SCARA3: variants seen among roughly 807,000 people sequenced by gnomAD.
SCARA3 encodes the protein scavenger receptor class A member 3.
Under a neutral mutation model 47.0 loss-of-function variants are expected in SCARA3, and 39 were observed. That is an observed-to-expected ratio of 0.83 (90% confidence interval 0.64 to 1.08). SCARA3 has a LOEUF of 1.08. Ranked by LOEUF, SCARA3 falls within the 50% of genes least tolerant of loss-of-function variation. The pLI, the probability that SCARA3 is intolerant of heterozygous loss-of-function variation, is 0.00. For missense variants in SCARA3, 724 were observed against 792.3 expected (o/e 0.91, Z 1.04); for synonymous variants, 356 against 334.1 (o/e 1.07, Z -0.71).
chr8:27,706,540 G>C, the SCARA3 span, among the ~76,000 whole-genome samples: 1 of 152,298 alleles, frequency 6.6e-6, no homozygotes, highest in East Asian at 1.9e-4. Flanking sequence ...TCTGTGGCTA[G>C]AGGGTGCAGA....
chr8:27,656,951 C>T (rs1801757184), intron 4 of SCARA3, 71 bp downstream of exon 4: 2 of 958,292 alleles, frequency 2.1e-6, no homozygotes, highest in South Asian at 1.3e-5. Context: ...CCCCACGCTA[C>T]AGTGCCCCAG....
rs1585300408 is a variant in SCARA3, at chr8:27,671,763, T to C, written c.*412T>C. The C allele has an allele frequency of 4.0e-6, 4 of 1,001,624 alleles. No homozygotes were observed. Among genetic ancestry groups the C allele is most frequent in the Non-Finnish European group, 4.8e-6 (4 of 840,878 alleles). The allele number at this position is 1,001,624 out of a possible 1,614,324, so 62.0% of individuals were successfully genotyped here. ...ACACATATATGCACAGGCACACACA[T>C]GTACGCACACACACATGCACTGCAC... On this transcript the variant is annotated 3_prime_UTR_variant, in exon 6 of 6. Coordinates refer to ENST00000301904, the MANE Select transcript of SCARA3 (RefSeq NM_016240.3).
chr8:27,689,516 C>G, the SCARA3 span, among the ~76,000 whole-genome samples: 1 of 152,204 alleles, frequency 6.6e-6, no homozygotes, highest in African/African-American at 2.4e-5. Flanking sequence ...CCCCACAGCA[C>G]AGAGAGCAGA....
In SCARA3 at chr8:27,672,307, T is replaced by C; in HGVS notation, c.*956T>C. ...GGAAGGAATCCAAGCAGGAGTTTCA[T>C]CTGCATGGGGGCACTCTGCAGGCCC... is the stretch of plus-strand genomic sequence containing the variant. On this transcript the variant is annotated 3_prime_UTR_variant, in exon 6 of 6. Coordinates refer to ENST00000301904, the MANE Select transcript of SCARA3 (RefSeq NM_016240.3). 1 of 985,500 alleles carries C rather than the reference T, an allele frequency of 1.0e-6. No individual in the cohort carries two copies. The highest frequency in any genetic ancestry group is 1.2e-6 in the Non-Finnish European group (1 of 829,966). The allele number at this position is 985,500 out of a possible 1,614,324, so 61.0% of individuals were successfully genotyped here.
chr8:27,662,373 G>A lies in SCARA3; in HGVS notation c.1369+2834G>A, dbSNP rs983143174. ...TGAGTCTTCAAAAGGCCATTCCACT[G>A]TTTTATCAAGCCAGCTGCCTCAGGA... On this transcript the variant is annotated intron_variant, in intron 5 of 5. Coordinates refer to ENST00000301904, the MANE Select transcript of SCARA3 (RefSeq NM_016240.3). Among the ~76,000 whole-genome samples the A allele has an allele frequency of 2.6e-5, 4 of 152,198 alleles. No homozygotes were observed. In the South Asian group the frequency reaches 8.3e-4, roughly 31 times the overall value.
the SCARA3 span, among the ~76,000 whole-genome samples, chr8:27,707,541 G>A: frequency 2.0e-5 from 3 of 149,154 alleles, no homozygotes; most frequent in Non-Finnish European, 4.5e-5. Context: ...CCAAAAAGTA[G>A]AAGAAAAAAA....
chr8:27,694,084 G>C, the SCARA3 span, among the ~76,000 whole-genome samples: 7 of 152,308 alleles, frequency 4.6e-5, 1 homozygote, highest in Admixed American at 6.5e-5. Context: ...ACTGAGACCT[G>C]TCTCAGATAT....
intron 5 of SCARA3, among the ~76,000 whole-genome samples, chr8:27,668,872 T>A (rs1405525567): frequency 6.6e-6 from 1 of 152,008 alleles, no homozygotes. Flanking sequence ...GGCTGCTGTG[T>A]TCTTAGAGAC....
the SCARA3 span, among the ~76,000 whole-genome samples, chr8:27,715,869 G>GATAC: frequency 7.2e-6 from 1 of 138,584 alleles, no homozygotes; most frequent in Non-Finnish European, 1.6e-5. This position sits in a 1 kb window ranked among gnomAD's most constrained non-coding sequence, Gnocchi z 4.2. Context: ...TAGATACATA[G>GATAC]ATAGATAGAT....
At chr8:27,676,470 A>G, downstream of SCARA3, 1 of 1,395,718 alleles carries the variant, frequency 7.2e-7, no homozygotes, top group Non-Finnish European at 9.9e-7. Context: ...CCTTTTCCCT[A>G]AGCCCAAAGT....
At chr8:27,664,490 A>G (rs914372700) in intron 5 of SCARA3, among the ~76,000 whole-genome samples, 5 of 152,212 alleles carry the variant, frequency 3.3e-5, no homozygotes, top group African/African-American at 9.6e-5. Flanking sequence ...CCCCTCTCCA[A>G]TGCTCTGAAA....
chr8:27,657,072 C>T (rs1233648197), intron 4 of SCARA3, among the ~76,000 whole-genome samples, 192 bp downstream of exon 4: 2 of 152,172 alleles, frequency 1.3e-5, no homozygotes, highest in African/African-American at 2.4e-5. Context: ...CTGGGATACT[C>T]CCAGGACTGG....
the SCARA3 span, among the ~76,000 whole-genome samples, chr8:27,714,879 T>C: frequency 5.6e-4 from 86 of 152,304 alleles, no homozygotes; most frequent in African/African-American, 2.0e-3. Context: ...ACCTCAGATA[T>C]TTGACCCTCA....
intron 5 of SCARA3, among the ~76,000 whole-genome samples, chr8:27,667,504 C>T (rs867124569): frequency 6.6e-6 from 1 of 152,188 alleles, no homozygotes; most frequent in Admixed American, 6.5e-5. Flanking sequence ...GCCAAGGTAG[C>T]GGCATGGGGG....
the SCARA3 span, among the ~76,000 whole-genome samples, chr8:27,685,205 A>G: frequency 6.6e-6 from 1 of 152,226 alleles, no homozygotes; most frequent in South Asian, 2.1e-4. Flanking sequence ...GAAAACTTAG[A>G]TGAAACAAAC....
the SCARA3 span, among the ~76,000 whole-genome samples, chr8:27,719,726 A>G: frequency 4.6e-5 from 7 of 152,058 alleles, no homozygotes; most frequent in South Asian, 8.3e-4. Flanking sequence ...TTATTCCCCT[A>G]TGCTGTTGAT....
At chr8:27,648,335 A>G (rs1042596100) in intron 1 of SCARA3, among the ~76,000 whole-genome samples, 5 of 152,258 alleles carry the variant, frequency 3.3e-5, no homozygotes, top group Non-Finnish European at 5.9e-5. Context: ...GGCAGGGCGC[A>G]GTGGCTCACG....
intron 1 of SCARA3, among the ~76,000 whole-genome samples, chr8:27,639,193 A>G (rs536205822): frequency 6.6e-6 from 1 of 152,250 alleles, no homozygotes; most frequent in South Asian, 2.1e-4. Context: ...GTCAGCCAAC[A>G]TGTATGGAGT....
At chr8:27,646,453 C>T (rs1801494500) in intron 1 of SCARA3, among the ~76,000 whole-genome samples, 1 of 152,156 alleles carries the variant, frequency 6.6e-6, no homozygotes, top group Non-Finnish European at 1.5e-5. Context: ...AGATTCCCTG[C>T]AAAGGCTATA....
Sources: allele counts gnomAD v4.1 joint callset (sites outside exome capture counted in the v4.1 genomes callset), GRCh38; gene constraint gnomAD v4.1.1; non-coding constraint Gnocchi (gnomAD v3.1); transcripts MANE v1.5; gene names NCBI Gene and HGNC (gene_info 2026-07-23, HGNC 2026-07-21).